The following ZNF423 variants were observed in gnomAD, a reference collection of about 807,000 sequenced individuals.
The protein encoded by ZNF423 is Ebf-associated zinc finger protein.
Under a neutral mutation model 95.8 loss-of-function variants are expected in ZNF423, and 12 were observed. That is an observed-to-expected ratio of 0.13 (90% CI 0.08 to 0.20). The LOEUF is 0.20. Ranked by LOEUF, ZNF423 falls within the 10% of genes least tolerant of loss-of-function variation. ZNF423 has a pLI of 1.00. For missense variants in ZNF423, 1,316 were observed against 1,737.1 expected (o/e 0.76, Z 4.31); for synonymous variants, 749 against 711.9 (o/e 1.05, Z -0.83).
At chr16:49,506,677 G>A (rs1477541334) in intron 7 of ZNF423, among the ~76,000 whole-genome samples, 1 of 152,018 alleles carries the variant, frequency 6.6e-6, no homozygotes, top group Non-Finnish European at 1.5e-5. Context: ...ATGGAAAGGT[G>A]GGTGGATAGA....
intron 5 of ZNF423, among the ~76,000 whole-genome samples, chr16:49,590,990 A>G (rs1033207828): frequency 4.2e-4 from 64 of 152,252 alleles, no homozygotes; most frequent in African/African-American, 1.5e-3. Context: ...GGCACTTCTT[A>G]TAATGGAACA....
chr16:49,488,110 G>A lies in ZNF423; in HGVS notation c.*3165C>T, dbSNP rs929140113. On this transcript the variant is annotated 3_prime_UTR_variant, in exon 8 of 8. Coordinates refer to ENST00000563137, the MANE Select transcript of ZNF423 (RefSeq NM_001379286.1). ...AATACTTGCTGAATGGATGAGTAGAGGAAGGGATGGATTTGAGTTTTGGTC... is the reference window on the plus strand; with the variant it reads ...AATACTTGCTGAATGGATGAGTAGAAGAAGGGATGGATTTGAGTTTTGGTC... 2 of 152,250 alleles carry A rather than the reference G, an allele frequency of 1.3e-5. No homozygotes were observed. The highest frequency in any genetic ancestry group is 6.5e-5 in the Admixed American group (1 of 15,286). The allele number at this position is 152,250 out of a possible 1,614,324, so 9.4% of individuals were successfully genotyped here. A position where few individuals can be genotyped will look rare whatever the true frequency, so the allele number is the denominator to read the frequency against.
At chr16:49,501,749 C>T (rs1967411416) in intron 7 of ZNF423, among the ~76,000 whole-genome samples, 1 of 152,062 alleles carries the variant, frequency 6.6e-6, no homozygotes, top group African/African-American at 2.4e-5. Context: ...CAGCTAGCAG[C>T]CATTATCCTA....
intron 5 of ZNF423, among the ~76,000 whole-genome samples, chr16:49,569,735 A>G (rs975888242): frequency 6.6e-6 from 1 of 152,232 alleles, no homozygotes; most frequent in Non-Finnish European, 1.5e-5. Flanking sequence ...GCCCGTGGAA[A>G]AAAAGACTGG....
At chr16:49,498,399 T>C (rs1324593099) in intron 7 of ZNF423, among the ~76,000 whole-genome samples, 1 of 152,144 alleles carries the variant, frequency 6.6e-6, no homozygotes, top group Non-Finnish European at 1.5e-5. Flanking sequence ...GGGGGAACAA[T>C]GAATAATTCA....
At chr16:49,790,929 AG>A (rs1290639811) in intron 1 of ZNF423, among the ~76,000 whole-genome samples, 1 of 152,204 alleles carries the variant, frequency 6.6e-6, no homozygotes, top group African/African-American at 2.4e-5. Context: ...CTGCTAGAAC[AG>A]TGGCCCAACC....
At chr16:49,680,027 G>T (rs912408228) in intron 3 of ZNF423, among the ~76,000 whole-genome samples, 1 of 152,214 alleles carries the variant, frequency 6.6e-6, no homozygotes, top group Non-Finnish European at 1.5e-5. Context: ...ACCCACTGTG[G>T]GTCTCCTCTG....
At chr16:49,764,507 G>T (rs144142804) in intron 2 of ZNF423, 2 of 152,436 alleles carry the variant, frequency 1.3e-5, no homozygotes, top group African/African-American at 4.8e-5. Context: ...GAAAAGGACC[G>T]TGAAAGGTGC....
intron 7 of ZNF423, among the ~76,000 whole-genome samples, chr16:49,521,708 C>G (rs1386796471): frequency 1.3e-5 from 2 of 152,208 alleles, no homozygotes; most frequent in Non-Finnish European, 2.9e-5. Flanking sequence ...GTACAATACA[C>G]AAATTTATGA....
intron 3 of ZNF423, among the ~76,000 whole-genome samples, chr16:49,672,166 C>T (rs993841982): frequency 1.3e-5 from 2 of 152,172 alleles, no homozygotes; most frequent in Non-Finnish European, 2.9e-5. Flanking sequence ...TCGGTATTCA[C>T]TAATGTGAAC....
At chr16:49,814,814 G>A (rs1178937181) in intron 1 of ZNF423, among the ~76,000 whole-genome samples, 1 of 150,902 alleles carries the variant, frequency 6.6e-6, no homozygotes, top group East Asian at 2.0e-4. Flanking sequence ...GGTGAGCCTG[G>A]CATGTGAGCA....
At chr16:49,611,376 C>G (rs532399229) in intron 5 of ZNF423, among the ~76,000 whole-genome samples, 23 of 152,052 alleles carry the variant, frequency 1.5e-4, no homozygotes, top group Non-Finnish European at 2.8e-4. Context: ...ACAATAGAAA[C>G]TATACGACGT....
chr16:49,844,340 T>C (rs950729704), intron 1 of ZNF423, among the ~76,000 whole-genome samples: 2 of 152,156 alleles, frequency 1.3e-5, no homozygotes, highest in African/African-American at 4.8e-5. Flanking sequence ...CTTTTATCAT[T>C]TTAAAAGCAA....
chr16:49,703,518 G>A (rs574449681), intron 3 of ZNF423, among the ~76,000 whole-genome samples: 3 of 152,316 alleles, frequency 2.0e-5, no homozygotes, highest in African/African-American at 7.2e-5. Flanking sequence ...GGCCCTTCCT[G>A]TCTTTTTCCT....
At chr16:49,774,764 G>A (rs2034092887) in intron 2 of ZNF423, among the ~76,000 whole-genome samples, 1 of 152,122 alleles carries the variant, frequency 6.6e-6, no homozygotes, top group African/African-American at 2.4e-5. Context: ...TGAGTGAGGT[G>A]CCTCCCATGG....
intron 3 of ZNF423, among the ~76,000 whole-genome samples, chr16:49,690,388 G>C (rs1392169776): frequency 2.0e-5 from 3 of 152,152 alleles, no homozygotes; most frequent in Non-Finnish European, 2.9e-5. Context: ...GCCAAACATA[G>C]TAGTGCACAC....
chr16:49,525,248 T>C, intron 6 of ZNF423, 115 bp downstream of exon 6: 1 of 1,476,910 alleles, frequency 6.8e-7, no homozygotes. Flanking sequence ...GGAGTCCTGG[T>C]CTATAACAGG....
intron 3 of ZNF423, among the ~76,000 whole-genome samples, chr16:49,707,351 C>T (rs374174889): frequency 9.9e-5 from 15 of 152,078 alleles, no homozygotes; most frequent in South Asian, 8.3e-4. Flanking sequence ...TGGTGGCTCA[C>T]GCCTGTAATC....
intron 1 of ZNF423, among the ~76,000 whole-genome samples, chr16:49,850,362 C>G (rs1177376646): frequency 1.3e-5 from 2 of 152,210 alleles, no homozygotes; most frequent in Non-Finnish European, 2.9e-5. Context: ...ACAAGATGCC[C>G]TTGCAAGCTG....
Sources: allele counts gnomAD v4.1 joint callset (sites outside exome capture counted in the v4.1 genomes callset), GRCh38; gene constraint gnomAD v4.1.1; transcripts MANE v1.5; gene names NCBI Gene and HGNC (gene_info 2026-07-23, HGNC 2026-07-21).